The following LYPD6 variants were observed in gnomAD, a reference collection of about 807,000 sequenced individuals.
LYPD6 encodes LY6/PLAUR domain containing 6, also known as ly6/PLAUR domain-containing protein 6.
Under a neutral mutation model 22.7 loss-of-function variants are expected in LYPD6, and 15 were observed. That is an observed-to-expected ratio of 0.66 (90% CI 0.44 to 1.02). LYPD6 has a LOEUF of 1.02. Ranked by LOEUF, LYPD6 falls within the 50% of genes least tolerant of loss-of-function variation. LYPD6 has a pLI of 0.00. For synonymous variants in LYPD6, 72 were observed against 77.5 expected (o/e 0.93, Z 0.37); for missense variants, 189 against 208.4 (o/e 0.91, Z 0.57).
intron 1 of LYPD6, among the ~76,000 whole-genome samples, chr2:149,434,180 G>C (rs1683382097): frequency 6.6e-6 from 1 of 152,044 alleles, no homozygotes; most frequent in Admixed American, 6.6e-5. Flanking sequence ...TGGAGGGAGG[G>C]GGGAAGCATG....
At chr2:149,331,982 G>A (rs1680947553) in intron 1 of LYPD6, among the ~76,000 whole-genome samples, 2 of 152,124 alleles carry the variant, frequency 1.3e-5, no homozygotes, top group Admixed American at 1.3e-4. Context: ...TTAAAATTTT[G>A]GATCTGCACC....
downstream of LYPD6, among the ~76,000 whole-genome samples, chr2:149,478,323 C>T (rs1573841088): frequency 6.6e-6 from 1 of 152,052 alleles, no homozygotes; most frequent in Non-Finnish European, 1.5e-5. Context: ...ATAGGGCAGA[C>T]AAATACTGCC....
At chr2:149,453,436 C>T (rs1431957393) in intron 3 of LYPD6, among the ~76,000 whole-genome samples, 1 of 152,166 alleles carries the variant, frequency 6.6e-6, no homozygotes, top group Non-Finnish European at 1.5e-5. Context: ...TTATGTTCCT[C>T]CTTAATTATG....
intron 1 of LYPD6, among the ~76,000 whole-genome samples, chr2:149,376,234 C>A (rs1241961990): frequency 6.6e-6 from 1 of 152,150 alleles, no homozygotes; most frequent in African/African-American, 2.4e-5. Flanking sequence ...AAAACTGGTA[C>A]AAAAGAAACA....
chr2:149,450,444 C>T (rs868766366), intron 3 of LYPD6, among the ~76,000 whole-genome samples: 13 of 152,230 alleles, frequency 8.5e-5, no homozygotes, highest in South Asian at 8.3e-4. Flanking sequence ...GGGTAAGAAC[C>T]ACAGGGAGCT....
At chr2:149,380,232 T>C (rs1682029435) in intron 1 of LYPD6, among the ~76,000 whole-genome samples, 1 of 152,186 alleles carries the variant, frequency 6.6e-6, no homozygotes, top group South Asian at 2.1e-4. Flanking sequence ...TATAGTGTCT[T>C]GAAGGACTTT....
intron 3 of LYPD6, among the ~76,000 whole-genome samples, chr2:149,467,862 A>G (rs979273881): frequency 1.3e-5 from 2 of 152,090 alleles, no homozygotes; most frequent in African/African-American, 2.4e-5. Flanking sequence ...TTTAAATTAC[A>G]CATTAAAAGT....
At chr2:149,397,034 A>C (rs563644537) in intron 1 of LYPD6, among the ~76,000 whole-genome samples, 1 of 152,382 alleles carries the variant, frequency 6.6e-6, no homozygotes, top group Middle Eastern at 3.4e-3. Context: ...AATGCTATGC[A>C]AACAGTTGTT....
intron 1 of LYPD6, among the ~76,000 whole-genome samples, chr2:149,424,785 A>G (rs953551224): frequency 3.3e-5 from 5 of 152,214 alleles, no homozygotes; most frequent in African/African-American, 1.2e-4. Flanking sequence ...TCAAGGGGCA[A>G]GTGGTAGGCA....
chr2:149,337,948 G>A (rs968856424), intron 1 of LYPD6, among the ~76,000 whole-genome samples: 1 of 152,192 alleles, frequency 6.6e-6, no homozygotes, highest in East Asian at 1.9e-4. Context: ...CCATGTTGCT[G>A]CAAAGTACGT....
At chr2:149,446,699 TGA>T (rs998134237) in intron 2 of LYPD6, among the ~76,000 whole-genome samples, 3 of 152,152 alleles carry the variant, frequency 2.0e-5, no homozygotes, top group African/African-American at 4.8e-5. Flanking sequence ...AGTTACTATG[TGA>T]GAGAGAGCAC....
intron 1 of LYPD6, among the ~76,000 whole-genome samples, chr2:149,364,091 A>G (rs576907995): frequency 6.6e-6 from 1 of 152,254 alleles, no homozygotes; most frequent in Non-Finnish European, 1.5e-5. Context: ...ATTTGCAATG[A>G]TTTCAGCAGC....
intron 2 of LYPD6, among the ~76,000 whole-genome samples, chr2:149,440,667 G>A (rs562450797): frequency 1.3e-4 from 19 of 150,338 alleles, no homozygotes; most frequent in African/African-American, 4.2e-4. Flanking sequence ...CTCCTACTTG[G>A]CCAGAACTTC....
intron 1 of LYPD6, among the ~76,000 whole-genome samples, chr2:149,369,448 A>C (rs1681756685): frequency 6.6e-6 from 1 of 152,108 alleles, no homozygotes; most frequent in South Asian, 2.1e-4. Context: ...AGATAATGAG[A>C]TCTCCCATCC....
intron 1 of LYPD6, among the ~76,000 whole-genome samples, chr2:149,415,611 GAGGA>G (rs373105782): frequency 6.6e-6 from 1 of 152,070 alleles, no homozygotes; most frequent in Admixed American, 6.6e-5. Flanking sequence ...AGAGAGAAGG[GAGGA>G]AGGAAGGAAG....
At chr2:149,349,888 T>G (rs1324903216) in intron 1 of LYPD6, among the ~76,000 whole-genome samples, 1 of 152,186 alleles carries the variant, frequency 6.6e-6, no homozygotes, top group East Asian at 1.9e-4. Flanking sequence ...ATTTAAAATT[T>G]ATTAGCAACT....
At chr2:149,422,518 C>T (rs1015983007) in intron 1 of LYPD6, among the ~76,000 whole-genome samples, 2 of 152,078 alleles carry the variant, frequency 1.3e-5, no homozygotes, top group African/African-American at 4.8e-5. Flanking sequence ...GGCTGCCACA[C>T]CCATTTGAAA....
chr2:149,437,722 C>G lies in LYPD6; in HGVS notation c.14C>G (p.Pro5Arg), dbSNP rs573729628. The G allele has an allele frequency of 6.2e-7, 1 of 1,614,130 alleles. No homozygotes were observed. ...CTTCAGTCTGCCATGGAACCTGGCC[C>G]TGCTCTGGCCTGGCTCCTGCTCCTG... The part of the protein sequence containing the change: MEPG[P>R]ALAWLLLLSL... Residue 5 changes from proline to arginine, a missense_variant, in exon 2 of 5, where the codon CCT becomes CGT. By Grantham distance (103) the Pro-to-Arg change is moderately radical (BLOSUM62 -2). Transcript: ENST00000334166.
At chr2:149,440,867 A>ATTTTT (rs112892707) in intron 2 of LYPD6, among the ~76,000 whole-genome samples, 8 of 144,538 alleles carry the variant, frequency 5.5e-5, no homozygotes, top group African/African-American at 1.5e-4. Flanking sequence ...GGCCTGACTA[A>ATTTTT]TTTTTTTTTT....
Sources: allele counts gnomAD v4.1 joint callset (sites outside exome capture counted in the v4.1 genomes callset), GRCh38; gene constraint gnomAD v4.1.1; transcripts MANE v1.5; gene names NCBI Gene and HGNC (gene_info 2026-07-23, HGNC 2026-07-21).